The following WWC1 variants were observed in gnomAD, a reference collection of about 807,000 sequenced individuals.
WWC1 encodes WW and C2 domain containing 1, also known as protein KIBRA.
WWC1 carries 55 observed loss-of-function variants against 138.4 expected under a neutral mutation model. The observed-to-expected ratio is 0.40, with a 90% CI of 0.32 to 0.50. The LOEUF (loss-of-function observed/expected upper bound fraction) is 0.50. Ranked by LOEUF, WWC1 falls within the 20% of genes least tolerant of loss-of-function variation. WWC1 has a pLI of 0.72. For missense variants in WWC1, 1,226 were observed against 1,420.4 expected (o/e 0.86, Z 2.20); for synonymous variants, 524 against 564.9 (o/e 0.93, Z 1.03).
chr5:168,431,100 C>A, intron 14 of WWC1, 152 bp from the exon 15 acceptor site: 1 of 660,406 alleles, frequency 1.5e-6, no homozygotes, highest in Non-Finnish European at 2.5e-6. Context: ...AAGTTCCTTC[C>A]AGTGTATAGG....
intron 1 of WWC1, among the ~76,000 whole-genome samples, chr5:168,337,549 A>G (rs535472392): frequency 8.4e-4 from 128 of 152,354 alleles, no homozygotes; most frequent in African/African-American, 2.9e-3. Flanking sequence ...CAGGTCTCAC[A>G]GTGAAGATCA....
At chr5:168,343,562 G>A (rs747838946) in intron 1 of WWC1, among the ~76,000 whole-genome samples, 10 of 152,136 alleles carry the variant, frequency 6.6e-5, no homozygotes, top group East Asian at 1.9e-4. Context: ...GGTGGCTCAC[G>A]CCTGTAATCC....
At chr5:168,394,225 A>T (rs1189430759) in intron 3 of WWC1, among the ~76,000 whole-genome samples, 1 of 152,238 alleles carries the variant, frequency 6.6e-6, no homozygotes, top group African/African-American at 2.4e-5. Flanking sequence ...CTAGACACAT[A>T]GAGGTAGCCA....
At chr5:168,342,653 G>C (rs1052531945) in intron 1 of WWC1, among the ~76,000 whole-genome samples, 2 of 152,110 alleles carry the variant, frequency 1.3e-5, no homozygotes, top group African/African-American at 2.4e-5. Context: ...GAGGTGGGAA[G>C]GTATGCAGGG....
intron 15 of WWC1, among the ~76,000 whole-genome samples, chr5:168,433,997 C>T (rs925791559): frequency 6.6e-6 from 1 of 152,254 alleles, no homozygotes; most frequent in Admixed American, 6.5e-5. Flanking sequence ...AGTCCACACA[C>T]GTCAGCGCCT....
Position 168,408,542 on chromosome 5 carries a change from CAG to C in WWC1, c.757_758del (p.Arg253GlyfsTer56). On this transcript the variant is annotated frameshift_variant, in exon 7 of 23. Coordinates refer to ENST00000265293, the MANE Select transcript of WWC1 (RefSeq NM_015238.3). LOFTEE classifies it high-confidence loss of function. ...TGTTGAAGGACGGCTTCCGCACTGA[CAG>C]GGGGTCTCACTCAGACCTGTGGTCC... ...AMLKDGFRTDRGSHSDLWSSS... is the reference protein window; with the variant it reads ...AMLKDGFRTDXGSHSDLWSSS... 1.2e-6 allele frequency: 2 copies of C among 1,614,186 alleles called. No individual in the cohort carries two copies. The highest frequency in any genetic ancestry group is 1.7e-6 in the Non-Finnish European group (2 of 1,180,020).
At chr5:168,399,608 C>A in intron 5 of WWC1, 41 bp downstream of exon 5, 1 of 1,598,260 alleles carries the variant, frequency 6.3e-7, no homozygotes. Context: ...GGCTGCTCCC[C>A]ACCCTGGTTC....
intron 1 of WWC1, among the ~76,000 whole-genome samples, chr5:168,330,855 C>G (rs1772977872): frequency 6.6e-6 from 1 of 152,164 alleles, no homozygotes; most frequent in African/African-American, 2.4e-5. Context: ...AATCTTCTGA[C>G]TATAAAAAGA....
chr5:168,414,161 T>A, intron 8 of WWC1, 187 bp from the exon 9 acceptor site: 1 of 743,460 alleles, frequency 1.3e-6, no homozygotes, highest in East Asian at 2.9e-5. Context: ...CCTACTTCAT[T>A]GTTGGCACAT....
chr5:168,430,155 G>A lies in WWC1; in HGVS notation c.2019G>A (p.Lys673=), dbSNP rs1354933935. The part of the protein sequence containing the change: ...QIALKYDEKN[K]QFAILIIQLS... ...ATTTCAGGTATGATGAGAAGAATAA[G>A]CAATTTGCAATATTAATCATCCAGC... The change falls in exon 14 of 23, where the codon AAG becomes AAA. Residue 673 remains lysine (K), a synonymous_variant. Transcript: ENST00000265293. 3 of 1,613,978 alleles carry A rather than the reference G, an allele frequency of 1.9e-6. No homozygotes were observed. The highest frequency in any genetic ancestry group is 3.3e-5 in the Admixed American group (2 of 60,026).
At chr5:168,418,213 C>G (rs1471106378) in intron 9 of WWC1, among the ~76,000 whole-genome samples, 1 of 152,162 alleles carries the variant, frequency 6.6e-6, no homozygotes, top group Non-Finnish European at 1.5e-5. Flanking sequence ...AAACCCCGCT[C>G]ACAAATCAGT....
Position 168,292,201 on chromosome 5 carries a change from G to C in WWC1, c.49G>C (p.Asp17His). The change falls in exon 1 of 23, where the codon GAC becomes CAC. Residue 17 changes from aspartate to histidine, a missense_variant. Asp to His is a moderately conservative substitution (Grantham distance 81). Transcript: ENST00000265293. This position sits in a 1 kb window ranked among gnomAD's most constrained non-coding sequence, Gnocchi z 4.4. ...PLPEGWEEAR[D>H]FDGKVYYIDH... is the part of the protein sequence containing the mutation. ...GCCGGAGGGCTGGGAGGAGGCGCGC[G>C]ACTTCGACGGCAAGGTCTACTACAT... The C allele has an allele frequency of 1.3e-6, 2 of 1,561,036 alleles. No homozygotes were observed. Among genetic ancestry groups the C allele is most frequent in the Non-Finnish European group, 1.7e-6 (2 of 1,153,132 alleles).
At chr5:168,353,256 C>T (rs1384011348) in intron 1 of WWC1, among the ~76,000 whole-genome samples, 2 of 152,198 alleles carry the variant, frequency 1.3e-5, no homozygotes, top group African/African-American at 4.8e-5. Flanking sequence ...CCATGACTGA[C>T]CTTCCCCCTA....
At chr5:168,370,100 C>T (rs1224974777) in intron 1 of WWC1, among the ~76,000 whole-genome samples, 2 of 151,896 alleles carry the variant, frequency 1.3e-5, no homozygotes, top group Non-Finnish European at 2.9e-5. Context: ...AGTTTCACCA[C>T]ATTGAGCAGG....
At chr5:168,445,943 A>G (rs975368292) in intron 17 of WWC1, among the ~76,000 whole-genome samples, 1 of 152,182 alleles carries the variant, frequency 6.6e-6, no homozygotes, top group African/African-American at 2.4e-5. Flanking sequence ...CCTGTTAACC[A>G]AGAAGCATTC....
At chr5:168,431,613 C>T (rs986047579) in intron 15 of WWC1, among the ~76,000 whole-genome samples, 169 bp downstream of exon 15, 55 of 152,074 alleles carry the variant, frequency 3.6e-4, no homozygotes, top group Non-Finnish European at 7.5e-4. Flanking sequence ...TTCTAGGCAG[C>T]GAGGCTTCCA....
At chr5:168,310,836 T>TAAAAAAAAAAAAAA (rs541770385) in intron 1 of WWC1, among the ~76,000 whole-genome samples, 2,515 of 111,320 alleles carry the variant, frequency 0.023, 74 homozygotes, top group African/African-American at 0.066. Flanking sequence ...AGACCCTGTC[T>TAAAAAAAAAAAAAA]AAAAAAAAAG....
intron 1 of WWC1, among the ~76,000 whole-genome samples, chr5:168,350,883 C>T (rs1198666058): frequency 2.0e-5 from 3 of 152,106 alleles, no homozygotes; most frequent in Non-Finnish European, 2.9e-5. Context: ...CGGTGGCTCA[C>T]GCCTGTAATC....
rs369973875 is a variant in WWC1 at position 168,423,917 on chromosome 5, C to T, written c.1659C>T (p.Asp553=). The T allele has an allele frequency of 2.5e-6, 4 of 1,614,042 alleles. No homozygotes were observed. In the African/African-American group the frequency reaches 5.3e-5, roughly 22 times the overall value. The change falls in exon 11 of 23, where the codon GAC becomes GAT. Residue 553 remains aspartate, a synonymous_variant. Coordinates refer to ENST00000265293, the MANE Select transcript of WWC1 (RefSeq NM_015238.3). ...CACCCTGTTCCCCTCTCATGGCTGA[C>T]CCCCTCCTGGCTGGTGATGCCTTCC... The part of the protein sequence containing the change: ...PSPPCSPLMA[D]PLLAGDAFLN...
Sources: gnomAD v4.1 joint callset for allele counts (sites outside exome capture counted in the v4.1 genomes callset) on GRCh38, gnomAD v4.1.1 for gene constraint, Gnocchi (gnomAD v3.1) non-coding constraint, MANE v1.5 for transcripts, NCBI Gene and HGNC (gene_info 2026-07-23, HGNC 2026-07-21) for gene names.